Variants in BAZ1B observed in about 807,000 individuals in gnomAD.
BAZ1B encodes the protein tyrosine-protein kinase BAZ1B.
BAZ1B carries 22 observed loss-of-function variants against 153.8 expected under a neutral mutation model. The ratio of observed to expected loss-of-function variants is 0.14; its 90% CI spans 0.10 to 0.20. The LOEUF is 0.20. BAZ1B is among the 10% of genes least tolerant of loss of function. The pLI, the probability that BAZ1B is intolerant of heterozygous loss-of-function variation, is 1.00. For synonymous variants in BAZ1B, 676 were observed against 633.4 expected (o/e 1.07, Z -1.01); for missense variants, 1,325 against 1,799.3 (o/e 0.74, Z 4.77).
At position 73,463,244 on chromosome 7, in the gene BAZ1B, T is replaced by C. The variant is rs554615100; in HGVS notation, c.3072-145A>G. The C allele has an allele frequency of 1.3e-4, 90 of 674,542 alleles. No individual in the cohort carries two copies. In the African/African-American group the frequency reaches 1.7e-3, roughly 13 times the overall value. 41.8% of individuals were successfully genotyped at this position (674,542 alleles called of 1,614,324 possible). ...CCTGGTGTTTTTTCTTTTTTCTTTT[T>C]TTTTTTTTTTTTTCCCCCGAGACAG... is the stretch of plus-strand genomic sequence containing the variant. On this transcript the variant is annotated intron_variant, in intron 11 of 19. Coordinates refer to ENST00000339594, the MANE Select transcript of BAZ1B (RefSeq NM_032408.4).
rs781969017 is a variant in BAZ1B, at chr7:73,477,506, T to C, written c.1955A>G (p.Asn652Ser). The change falls in exon 7 of 20, where the codon AAC becomes AGC. Residue 652 changes from asparagine to serine, a missense_variant. By Grantham distance (46) the Asn-to-Ser change is conservative. This residue lies in a region of BAZ1B where 154 missense variants were observed against 266.3 expected (regional missense o/e 0.58). Transcript: ENST00000339594. This position sits in a 1 kb window ranked among gnomAD's most constrained non-coding sequence, Gnocchi z 5.6. ...SADKGGFLYL[N>S]RVLVILLQTL... ...CTGTAAGAGGATGACCAACACCCTG[T>C]TAAGGTATAAAAAGCCACCCTTATC... 6.8e-6 allele frequency: 11 copies of C among 1,614,186 alleles called. No homozygotes were observed. In the Admixed American group the frequency reaches 1.2e-4, roughly 17 times the overall value.
intron 5 of BAZ1B, among the ~76,000 whole-genome samples, chr7:73,491,056 G>C (rs1314128627): frequency 6.6e-6 from 1 of 151,920 alleles, no homozygotes; most frequent in Non-Finnish European, 1.5e-5. Context: ...GGGAAGCCGA[G>C]GCAGGCGGAT....
At chr7:73,446,006 A>C (rs1384708276) in intron 16 of BAZ1B, among the ~76,000 whole-genome samples, 1 of 152,218 alleles carries the variant, frequency 6.6e-6, no homozygotes, top group South Asian at 2.1e-4. Context: ...AGGCGTAGTG[A>C]ACAAACAAAA....
chr7:73,500,828 T>C (rs1790097308), intron 3 of BAZ1B, among the ~76,000 whole-genome samples: 2 of 151,314 alleles, frequency 1.3e-5, no homozygotes, highest in African/African-American at 2.4e-5. Context: ...GAGGTGGAAG[T>C]TGCAGTGAGC....
intron 2 of BAZ1B, 45 bp from the exon 3 acceptor site, chr7:73,508,516 C>A (rs1554578136): frequency 6.5e-7 from 1 of 1,547,636 alleles, no homozygotes; most frequent in Admixed American, 2.0e-5. Context: ...GAAACACCTA[C>A]CCAGAGATTT....
At chr7:73,501,190 A>G (rs1563396637) in intron 3 of BAZ1B, among the ~76,000 whole-genome samples, 1 of 152,016 alleles carries the variant, frequency 6.6e-6, no homozygotes, top group Non-Finnish European at 1.5e-5. Flanking sequence ...TGGGATGCGG[A>G]GGTTGCGGTG....
intron 11 of BAZ1B, among the ~76,000 whole-genome samples, chr7:73,464,934 A>G (rs1433856430): frequency 2.0e-5 from 3 of 151,390 alleles, no homozygotes; most frequent in Non-Finnish European, 4.4e-5. Flanking sequence ...GAGTTTCCCT[A>G]TGTTGCCCAG....
chr7:73,515,688 C>T (rs1385450974), intron 1 of BAZ1B, among the ~76,000 whole-genome samples: 4 of 152,114 alleles, frequency 2.6e-5, no homozygotes, highest in African/African-American at 7.2e-5. Context: ...CAGGCAAACG[C>T]CAGCATGTCC....
intron 6 of BAZ1B, among the ~76,000 whole-genome samples, chr7:73,488,588 C>T (rs983570714): frequency 6.6e-6 from 1 of 151,686 alleles, no homozygotes; most frequent in East Asian, 1.9e-4. Flanking sequence ...AAAAATTAGC[C>T]AGGTGTGGTG....
Position 73,521,868 on chromosome 7 carries a change from G to C in BAZ1B, c.66C>G (p.Leu22=), listed in dbSNP as rs371135455. Reference sequence around the variant, plus strand: ...CCTCCTGAGTGTGCGGGATGGTGAAGAGCGGCTCCTCTCCGGGCAACGGCT... The same window carrying C: ...CCTCCTGAGTGTGCGGGATGGTGAACAGCGGCTCCTCTCCGGGCAACGGCT... ...LVKPLPGEEP[L]FTIPHTQEAF... The change falls in exon 1 of 20, where the codon CTC becomes CTG. Residue 22 remains leucine (L), a synonymous_variant. Coordinates refer to ENST00000339594, the MANE Select transcript of BAZ1B (RefSeq NM_032408.4). 23 of 1,508,734 alleles carry C rather than the reference G, an allele frequency of 1.5e-5. No individual in the cohort carries two copies. The African/African-American group carries it at 2.8e-4, about 18-fold the overall frequency. 93.5% of individuals were successfully genotyped at this position (1,508,734 alleles called of 1,614,324 possible).
At position 73,477,459 on chromosome 7, in the gene BAZ1B, C is replaced by T; in HGVS notation, c.2002G>A (p.Ala668Thr). 6.2e-7 allele frequency: 1 copy of T among 1,614,234 alleles called. No homozygotes were observed. Among genetic ancestry groups the T allele is most frequent in the Non-Finnish European group, 8.5e-7 (1 of 1,180,052 alleles). Residue 668 changes from alanine (A) to threonine (T), a missense_variant, in exon 7 of 20, where the codon GCA becomes ACA. Ala to Thr is a moderately conservative substitution (Grantham distance 58). This residue lies in a region of BAZ1B where 154 missense variants were observed against 266.3 expected (regional missense o/e 0.58). Coordinates refer to ENST00000339594, the MANE Select transcript of BAZ1B (RefSeq NM_032408.4). This position sits in a 1 kb window ranked among gnomAD's most constrained non-coding sequence, Gnocchi z 5.6. ...ATTCCCAATTCACCATAGTCTTCTG[C>T]TATCTCATCTTGTAGGAGGGTCTGT... The part of the protein sequence containing the change: ...LLQTLLQDEI[A>T]EDYGELGMKL...
intron 3 of BAZ1B, among the ~76,000 whole-genome samples, chr7:73,504,705 A>C (rs1554577549): frequency 6.6e-6 from 1 of 151,786 alleles, no homozygotes; most frequent in Non-Finnish European, 1.5e-5. Flanking sequence ...TTGAGTGTCT[A>C]CAGTCCCAGC....
At position 73,477,025 on chromosome 7, in the gene BAZ1B, C is replaced by T; in HGVS notation, c.2436G>A (p.Glu812=). 6.2e-7 allele frequency: 1 copy of T among 1,614,202 alleles called. No individual in the cohort carries two copies. Among genetic ancestry groups the T allele is most frequent in the Non-Finnish European group, 8.5e-7 (1 of 1,180,038 alleles). ...TCCTATCAGTTTTGCCTAACCCATTCTCAACTTTTCCATTTTCTTTATTTT... is the reference window on the plus strand; with the variant it reads ...TCCTATCAGTTTTGCCTAACCCATTTTCAACTTTTCCATTTTCTTTATTTT... ...EAKNKENGKV[E]NGLGKTDRKK... The change falls in exon 7 of 20, where the codon GAG becomes GAA. Residue 812 remains glutamate (E), a synonymous_variant. Coordinates refer to ENST00000339594, the MANE Select transcript of BAZ1B (RefSeq NM_032408.4). The surrounding 1 kb of genome is among the most constrained non-coding windows in gnomAD (Gnocchi z 5.6).
At chr7:73,469,813 A>AT (rs1554571733) in intron 8 of BAZ1B, among the ~76,000 whole-genome samples, 163 bp from the exon 9 acceptor site, 1 of 152,226 alleles carries the variant, frequency 6.6e-6, no homozygotes, top group East Asian at 1.9e-4. Context: ...TGCAAGGTAA[A>AT]TCAAAGTATA....
chr7:73,493,280 G>C (rs766175441), intron 4 of BAZ1B, among the ~76,000 whole-genome samples: 3 of 151,836 alleles, frequency 2.0e-5, no homozygotes, highest in Non-Finnish European at 4.4e-5. Flanking sequence ...GACCAACATG[G>C]AGAAACTCCA....
intron 16 of BAZ1B, among the ~76,000 whole-genome samples, chr7:73,445,947 C>T (rs1427956939): frequency 1.3e-5 from 2 of 152,180 alleles, no homozygotes; most frequent in African/African-American, 2.4e-5. Flanking sequence ...TTCCTGAATG[C>T]AGGACTGATG....
chr7:73,472,667 C>T (rs1380745648), intron 7 of BAZ1B, among the ~76,000 whole-genome samples: 3 of 152,034 alleles, frequency 2.0e-5, no homozygotes, highest in African/African-American at 7.2e-5. Flanking sequence ...ACCTCTGCCT[C>T]CCAGGTTCAA....
chr7:73,462,561 G>T, intron 12 of BAZ1B: 1 of 265,902 alleles, frequency 3.8e-6, no homozygotes, highest in Non-Finnish European at 7.3e-6. Context: ...GTGAAGAATG[G>T]GCAAGTGCAG....
intron 2 of BAZ1B, among the ~76,000 whole-genome samples, chr7:73,510,306 G>GTA (rs1790527699): frequency 6.6e-6 from 1 of 151,978 alleles, no homozygotes; most frequent in African/African-American, 2.4e-5. Flanking sequence ...GCGAGCACCT[G>GTA]TAGTCCCAGC....
Sources: gnomAD v4.1 joint callset for allele counts (sites outside exome capture counted in the v4.1 genomes callset) on GRCh38, gnomAD v4.1.1 for gene constraint, gnomAD v4.1.1 regional missense constraint, Gnocchi (gnomAD v3.1) non-coding constraint, MANE v1.5 for transcripts, NCBI Gene and HGNC (gene_info 2026-07-23, HGNC 2026-07-21) for gene names.